The following TRERF1 variants were observed in gnomAD, a reference collection of about 807,000 sequenced individuals.
The protein encoded by TRERF1 is transcriptional regulating factor 1.
A neutral mutation model predicts 122.9 loss-of-function variants in TRERF1; 27 were observed. The observed-to-expected ratio is 0.22, with a 90% CI of 0.16 to 0.30. TRERF1 has a LOEUF of 0.30. Ranked by LOEUF, TRERF1 falls within the 10% of genes least tolerant of loss-of-function variation. The probability of loss-of-function intolerance (pLI) is 1.00; values close to 1 mark genes in which losing one functional copy is unlikely to be tolerated. For synonymous variants in TRERF1, 636 were observed against 641.7 expected, an observed-to-expected ratio of 0.99 and a Z score of 0.13; for missense variants, 1,248 against 1,560.3, an observed-to-expected ratio of 0.80 and a Z score of 3.37.
chr6:42,348,782 A>G (rs1751541259), intron 3 of TRERF1, among the ~76,000 whole-genome samples: 2 of 152,194 alleles, frequency 1.3e-5, no homozygotes, highest in Admixed American at 6.5e-5. Flanking sequence ...ACAAGTTAAC[A>G]ACCATTGACT....
chr6:42,244,404 G>A (rs1305604232), intron 14 of TRERF1, among the ~76,000 whole-genome samples: 1 of 152,014 alleles, frequency 6.6e-6, no homozygotes, highest in Non-Finnish European at 1.5e-5. Context: ...GGCTGGTCTC[G>A]AACTCCCGAC....
chr6:42,239,233 C>A (rs1773050713), intron 15 of TRERF1, among the ~76,000 whole-genome samples: 1 of 152,172 alleles, frequency 6.6e-6, no homozygotes, highest in African/African-American at 2.4e-5. Flanking sequence ...GCCCTTGGAG[C>A]CCTGATTGCT....
At chr6:42,234,163 T>A (rs1193516394) in intron 16 of TRERF1, among the ~76,000 whole-genome samples, 1 of 152,108 alleles carries the variant, frequency 6.6e-6, no homozygotes, top group Non-Finnish European at 1.5e-5. Context: ...GGGGAATAAA[T>A]CATCCCCAGT....
chr6:42,258,540 C>T (rs1172538130), intron 9 of TRERF1, among the ~76,000 whole-genome samples: 1 of 152,254 alleles, frequency 6.6e-6, no homozygotes, highest in African/African-American at 2.4e-5. Context: ...CTTGATCTTG[C>T]ATGTAATACC....
Position 42,232,202 on chromosome 6 carries a change from CAA to C in TRERF1, c.3278+477_3278+478del, listed in dbSNP as rs1213367315. Among the ~76,000 whole-genome samples, 1 of 152,160 alleles carries C rather than the reference CAA, an allele frequency of 6.6e-6. No individual in the cohort carries two copies. Among genetic ancestry groups the C allele is most frequent in the Non-Finnish European group, 1.5e-5 (1 of 68,020 alleles). ...TTGAGGCTTTGTCTTAAAGTGATAG[CAA>C]AGTGTGGTGATTGATTAGTGATGTC... On this transcript the variant is annotated intron_variant, in intron 17 of 17. Coordinates refer to ENST00000372922, the Ensembl canonical transcript of TRERF1. The surrounding 1 kb of genome is among the most constrained non-coding windows in gnomAD (Gnocchi z 4.5).
Position 42,270,921 on chromosome 6 carries a change from C to T in TRERF1, c.-258-1073G>A, listed in dbSNP as rs56887065. Among the ~76,000 whole-genome samples the T allele has an allele frequency of 4.4e-3, 669 of 151,502 alleles. 8 individuals carry two copies. Among genetic ancestry groups the T allele is most frequent in the African/African-American group, 0.015 (614 of 41,354 alleles). ...CTGAGTAGCTGGGACTACAGGTGCC[C>T]GCCGCCAAGCCCAAATTTTGTATTT... On this transcript the variant is annotated intron_variant, in intron 4 of 17. Transcript: ENST00000372922.
chr6:42,443,141 T>C (rs1385582643), intron 2 of TRERF1, among the ~76,000 whole-genome samples: 1 of 152,208 alleles, frequency 6.6e-6, no homozygotes, highest in Non-Finnish European at 1.5e-5. Flanking sequence ...TCCACTGTTT[T>C]TCAAAATCAA....
intron 15 of TRERF1, among the ~76,000 whole-genome samples, chr6:42,242,965 A>G (rs1774024715): frequency 6.6e-6 from 1 of 152,176 alleles, no homozygotes; most frequent in South Asian, 2.1e-4. Context: ...CAAGGCTGGG[A>G]CCATCCTTGG....
At chr6:42,283,607 A>G (rs1450595669) in intron 4 of TRERF1, among the ~76,000 whole-genome samples, 1 of 151,126 alleles carries the variant, frequency 6.6e-6, no homozygotes, top group African/African-American at 2.4e-5. Context: ...ACATATGAAA[A>G]AAACTTTTTT....
In TRERF1 at chr6:42,228,782, T is replaced by C; in HGVS notation, c.3279-113A>G. ...GTGGTCTGACAAAGTCCCTGGCTGC[T>C]CGGCTTCTAGGACCTCCTTCCCCTG... On this transcript the variant is annotated intron_variant, in intron 17 of 17. Transcript: ENST00000372922. This position sits in a 1 kb window ranked among gnomAD's most constrained non-coding sequence, Gnocchi z 4.2. The C allele has an allele frequency of 9.2e-7, 1 of 1,091,360 alleles. No individual in the cohort carries two copies. The highest frequency in any genetic ancestry group is 1.3e-6 in the Non-Finnish European group (1 of 761,966). 67.6% of individuals were successfully genotyped at this position (1,091,360 alleles called of 1,614,324 possible). A position where few individuals can be genotyped will look rare whatever the true frequency, so the allele number is the denominator to read the frequency against.
chr6:42,288,661 G>A (rs1171676434), intron 4 of TRERF1, among the ~76,000 whole-genome samples: 2 of 151,692 alleles, frequency 1.3e-5, no homozygotes, highest in African/African-American at 4.9e-5. Flanking sequence ...GAAAGTCACA[G>A]TGATGCTGTG....
At chr6:42,311,172 C>G (rs1788162458) in intron 3 of TRERF1, among the ~76,000 whole-genome samples, 1 of 152,140 alleles carries the variant, frequency 6.6e-6, no homozygotes, top group Non-Finnish European at 1.5e-5. Flanking sequence ...TAACAATATA[C>G]AAGTAAGCAG....
intron 15 of TRERF1, among the ~76,000 whole-genome samples, chr6:42,237,899 A>T (rs568766224): frequency 1.2e-4 from 18 of 152,360 alleles, no homozygotes; most frequent in African/African-American, 4.3e-4. Context: ...TGCAGTATGA[A>T]CAGGGTGTAT....
intron 4 of TRERF1, among the ~76,000 whole-genome samples, chr6:42,292,015 T>C (rs1045886417): frequency 2.0e-5 from 3 of 152,200 alleles, no homozygotes; most frequent in Admixed American, 6.5e-5. Flanking sequence ...AGCAGGCCTA[T>C]CTAACTTCGC....
At chr6:42,295,430 A>G (rs1056299717) in intron 4 of TRERF1, among the ~76,000 whole-genome samples, 1 of 152,130 alleles carries the variant, frequency 6.6e-6, no homozygotes, top group African/African-American at 2.4e-5. Context: ...TAGCCGCAGG[A>G]CTTCTGAGGG....
At chr6:42,349,295 A>C (rs1235472348) in intron 3 of TRERF1, among the ~76,000 whole-genome samples, 1 of 151,706 alleles carries the variant, frequency 6.6e-6, no homozygotes, top group Non-Finnish European at 1.5e-5. Context: ...TTTCCACTGG[A>C]AAAACTGGTT....
intron 2 of TRERF1, among the ~76,000 whole-genome samples, chr6:42,437,606 G>C (rs1361051027): frequency 6.6e-6 from 1 of 152,172 alleles, no homozygotes; most frequent in African/African-American, 2.4e-5. Context: ...TATTATCATA[G>C]TCATATTTTT....
intron 2 of TRERF1, among the ~76,000 whole-genome samples, chr6:42,444,573 C>G (rs939802393): frequency 6.6e-6 from 1 of 152,086 alleles, no homozygotes; most frequent in Non-Finnish European, 1.5e-5. Context: ...CATCTGCCCC[C>G]TTATCAGTTT....
Position 42,269,362 on chromosome 6 carries a change from T to C in TRERF1, c.229A>G (p.Met77Val). Residue 77 changes from methionine (M) to valine (V), a missense_variant, in exon 5 of 18, where the codon ATG becomes GTG. Around this residue, in one of 5 missense-constraint regions of TRERF1, gnomAD observed 946 missense variants for 1,073.0 expected, o/e 0.88. Coordinates refer to ENST00000372922, the Ensembl canonical transcript of TRERF1. The surrounding 1 kb of genome is among the most constrained non-coding windows in gnomAD (Gnocchi z 4.9). ...CACCCTCCCTGCCTCGAGGTATCCA[T>C]TTGGCCAAGGTTTTTGGAGCCAACA... 1 of 1,614,174 alleles carries C rather than the reference T, an allele frequency of 6.2e-7. No individual in the cohort carries two copies.
Sources: gnomAD v4.1 joint callset for allele counts (sites outside exome capture counted in the v4.1 genomes callset) on GRCh38, gnomAD v4.1.1 for gene constraint, gnomAD v4.1.1 regional missense constraint, Gnocchi (gnomAD v3.1) non-coding constraint, MANE v1.5 for transcripts, NCBI Gene and HGNC (gene_info 2026-07-23, HGNC 2026-07-21) for gene names.